The following CEP135 variants were observed in gnomAD, a reference collection of about 807,000 sequenced individuals.
The protein encoded by CEP135 is centrosomal protein of 135 kDa.
A neutral mutation model predicts 157.3 loss-of-function variants in CEP135; 142 were observed. The observed-to-expected ratio is 0.90, with a 90% CI of 0.79 to 1.04. The LOEUF is 1.04. Among genes scored for constraint, CEP135 ranks in the 50% least tolerant of loss-of-function variants. The probability of loss-of-function intolerance (pLI) is 0.00; values close to 1 mark genes in which losing one functional copy is unlikely to be tolerated. For missense variants in CEP135, 1,317 were observed against 1,309.2 expected (o/e 1.01, Z -0.09); for synonymous variants, 396 against 439.8 (o/e 0.90, Z 1.25).
At chr4:56,017,963 A>T (rs1483623709) in intron 22 of CEP135, 106 bp downstream of exon 22, 2 of 992,414 alleles carry the variant, frequency 2.0e-6, no homozygotes, top group African/African-American at 1.6e-5. Flanking sequence ...CTTTTAGAGT[A>T]GTTACTTTTT....
chr4:55,970,070 C>T (rs928864009), intron 9 of CEP135, among the ~76,000 whole-genome samples: 1 of 149,456 alleles, frequency 6.7e-6, no homozygotes, highest in East Asian at 2.0e-4. Flanking sequence ...TGAGGTCTTA[C>T]TATGTTACCC....
At chr4:55,972,631 C>G (rs1235143858) in intron 10 of CEP135, among the ~76,000 whole-genome samples, 1 of 152,202 alleles carries the variant, frequency 6.6e-6, no homozygotes, top group East Asian at 1.9e-4. Context: ...CTTAAGCTCT[C>G]TGTGCCTCAG....
chr4:55,968,146 G>T (rs1317462703), intron 8 of CEP135, among the ~76,000 whole-genome samples: 1 of 152,100 alleles, frequency 6.6e-6, no homozygotes, highest in African/African-American at 2.4e-5. Context: ...AATTAAGAAA[G>T]TAATCCCATC....
intron 11 of CEP135, among the ~76,000 whole-genome samples, chr4:55,976,113 G>A (rs1729205079): frequency 6.6e-6 from 1 of 151,838 alleles, no homozygotes; most frequent in Non-Finnish European, 1.5e-5. Flanking sequence ...AATTAGCTGA[G>A]CATAGTGGCA....
Position 55,954,253 on chromosome 4 carries a change from A to C in CEP135, c.342A>C (p.Thr114=), listed in dbSNP as rs749861305. The C allele has an allele frequency of 3.7e-6, 6 of 1,605,138 alleles. No homozygotes were observed. The Admixed American group carries it at 6.8e-5, about 18-fold the overall frequency. ...KTSLKKCARE[T]ADLKFLNNQY... ...CATTGAAGAAATGTGCACGTGAAAC[A>C]GCTGATCTGAAATTTCTGAATAACC... Residue 114 remains threonine, a synonymous_variant, in exon 4 of 26, where the codon ACA becomes ACC. Coordinates refer to ENST00000257287, the MANE Select transcript of CEP135 (RefSeq NM_025009.5).
chr4:56,018,074 C>T (rs1340537969), intron 22 of CEP135, among the ~76,000 whole-genome samples: 1 of 152,022 alleles, frequency 6.6e-6, no homozygotes, highest in Non-Finnish European at 1.5e-5. Flanking sequence ...ACCAATTCTC[C>T]CTCAGGCATC....
chr4:55,988,793 T>TAA (rs557226231), intron 14 of CEP135, among the ~76,000 whole-genome samples: 1 of 143,454 alleles, frequency 7.0e-6, no homozygotes, highest in Non-Finnish European at 1.5e-5. Flanking sequence ...CCGTCTCTAC[T>TAA]AAAAAAAAAA....
chr4:56,025,931 G>A (rs1731144660), intron 25 of CEP135, among the ~76,000 whole-genome samples: 1 of 151,684 alleles, frequency 6.6e-6, no homozygotes, highest in Non-Finnish European at 1.5e-5. Flanking sequence ...AATAGGCCAG[G>A]CACGGTGGCT....
chr4:55,957,584 A>G (rs1343551425), intron 5 of CEP135, among the ~76,000 whole-genome samples: 1 of 152,228 alleles, frequency 6.6e-6, no homozygotes, highest in Non-Finnish European at 1.5e-5. Context: ...GTTTCTGTTC[A>G]TACTGGCTTA....
At chr4:55,984,459 T>C (rs1729510087) in intron 13 of CEP135, among the ~76,000 whole-genome samples, 1 of 152,212 alleles carries the variant, frequency 6.6e-6, no homozygotes, top group Non-Finnish European at 1.5e-5. Context: ...TATTTTGAGC[T>C]CTTATTTAGG....
chr4:55,998,607 G>A (rs1730056894), intron 15 of CEP135, among the ~76,000 whole-genome samples: 1 of 152,216 alleles, frequency 6.6e-6, no homozygotes, highest in Non-Finnish European at 1.5e-5. Flanking sequence ...GCTCACACCT[G>A]TAATCCCAGC....
intron 17 of CEP135, among the ~76,000 whole-genome samples, chr4:56,006,055 T>TGG (rs1730337028): frequency 6.6e-6 from 1 of 152,228 alleles, no homozygotes; most frequent in Admixed American, 6.5e-5. Flanking sequence ...TTATATGCCT[T>TGG]GGGGCAGTCT....
intron 3 of CEP135, among the ~76,000 whole-genome samples, chr4:55,953,507 A>G (rs181506837): frequency 6.6e-6 from 1 of 152,204 alleles, no homozygotes; most frequent in Admixed American, 6.5e-5. Context: ...TTCAAAAAAA[A>G]AGAAAAGAAA....
rs866370344 is a variant in CEP135 at position 56,033,215 on chromosome 4, T to A, written c.*1867T>A. On this transcript the variant is annotated 3_prime_UTR_variant, in exon 26 of 26. Transcript: ENST00000257287. ...TTAAAAATGTATAGCCTGCCAAATG[T>A]TGTTTTCATAACCATGATATTGTTT... 6.6e-6 allele frequency: 1 copy of A among 152,126 alleles called. No homozygotes were observed. Among genetic ancestry groups the A allele is most frequent in the Middle Eastern group, 3.2e-3 (1 of 316 alleles). 9.4% of individuals were successfully genotyped at this position (152,126 alleles called of 1,614,324 possible). A position where few individuals can be genotyped will look rare whatever the true frequency, so the allele number is the denominator to read the frequency against.
At chr4:55,988,649 G>A (rs530174687) in intron 14 of CEP135, among the ~76,000 whole-genome samples, 88 of 148,638 alleles carry the variant, frequency 5.9e-4, no homozygotes, top group African/African-American at 2.1e-3. Flanking sequence ...GACAGAGCAA[G>A]ACTCCGTCTC....
chr4:55,981,322 GT>G lies in CEP135; in HGVS notation c.1724del (p.Leu575TyrfsTer4). On this transcript the variant is annotated frameshift_variant, in exon 13 of 26. Transcript: ENST00000257287. LOFTEE classifies it high-confidence loss of function. ...SLMEKEKELA[L>X]SDLRRIMAEK... ...TTATGGAAAAGGAAAAAGAACTTGC[GT>G]TATCTGACTTAAGAAGAATTATGGC... The G allele has an allele frequency of 6.3e-7, 1 of 1,595,948 alleles. No individual in the cohort carries two copies. The highest frequency in any genetic ancestry group is 2.3e-5 in the East Asian group (1 of 43,896).
chr4:55,951,982 A>G (rs1294577670), intron 1 of CEP135, 104 bp from the exon 2 acceptor site: 2 of 489,754 alleles, frequency 4.1e-6, no homozygotes, highest in Non-Finnish European at 7.4e-6. Flanking sequence ...TACCTGAAGA[A>G]AAACAAAAAA....
chr4:56,019,286 GA>G, intron 22 of CEP135, 66 bp from the exon 23 acceptor site: 1 of 1,264,958 alleles, frequency 7.9e-7, no homozygotes, highest in Non-Finnish European at 1.1e-6. Context: ...TATATTGTCA[GA>G]TAAATAATTT....
chr4:56,007,808 T>C lies in CEP135; in HGVS notation c.2281-519T>C, dbSNP rs150120444. ...CTGTCACTGTCTGCTCAGAGGTTTTTTACGTCTCTGTGGCCCAGGAACTGA... is the reference window on the plus strand; with the variant it reads ...CTGTCACTGTCTGCTCAGAGGTTTTCTACGTCTCTGTGGCCCAGGAACTGA... On this transcript the variant is annotated intron_variant, in intron 17 of 25. Transcript: ENST00000257287. Among the ~76,000 whole-genome samples, 417 of 152,276 alleles carry C rather than the reference T, an allele frequency of 2.7e-3. 5 individuals carry two copies. Among genetic ancestry groups the C allele is most frequent in the Middle Eastern group, 0.014 (4 of 294 alleles).
Sources: allele counts gnomAD v4.1 joint callset (sites outside exome capture counted in the v4.1 genomes callset), GRCh38; gene constraint gnomAD v4.1.1; transcripts MANE v1.5; gene names NCBI Gene and HGNC (gene_info 2026-07-23, HGNC 2026-07-21).